TRIM69: variants seen among roughly 807,000 people sequenced by gnomAD.
TRIM69 encodes E3 ubiquitin-protein ligase TRIM69.
In TRIM69, 29 loss-of-function variants were observed where a neutral mutation model predicts 37.7. The ratio of observed to expected loss-of-function variants is 0.77; its 90% confidence interval spans 0.57 to 1.05. The LOEUF is 1.05. TRIM69 is among the 50% of genes least tolerant of loss of function. The pLI is 0.00. For synonymous variants in TRIM69, 209 were observed against 212.4 expected, an observed-to-expected ratio of 0.98 and a Z score of 0.14; for missense variants, 596 against 579.9, an observed-to-expected ratio of 1.03 and a Z score of -0.28.
In TRIM69 at chr15:44,767,433, A is replaced by G; in HGVS notation, c.1164A>G (p.Thr388=). ...WYWEVEVAKK[T]KWTVGVVRES... is the part of the protein sequence containing the mutation. ...GGGAAGTAGAAGTAGCAAAGAAGAC[A>G]AAATGGACAGTTGGAGTTGTCAGAG... The change falls in exon 7 of 7, where the codon ACA becomes ACG. Residue 388 remains threonine, a synonymous_variant. Coordinates refer to ENST00000329464, the MANE Select transcript of TRIM69 (RefSeq NM_182985.5). 6.2e-7 allele frequency: 1 copy of G among 1,614,218 alleles called. No individual in the cohort carries two copies. Among genetic ancestry groups the G allele is most frequent in the Non-Finnish European group, 8.5e-7 (1 of 1,180,036 alleles).
Position 44,738,417 on chromosome 15 carries a change from T to C in TRIM69, c.6+1707T>C, listed in dbSNP as rs1020040634. On this transcript the variant is annotated intron_variant, in intron 1 of 6. Coordinates refer to ENST00000329464, the MANE Select transcript of TRIM69 (RefSeq NM_182985.5). ...GTGATTCCTGCCAGCCAGGGCTTTA[T>C]AAGGATGAATATCAATTCCTGACTC... 1.6e-4 allele frequency among the ~76,000 whole-genome samples: 24 copies of C among 152,244 alleles called. 1 individual carries two copies. The highest frequency in any genetic ancestry group is 5.8e-4 in the African/African-American group (24 of 41,538).
chr15:44,767,585 A>G lies in TRIM69; in HGVS notation c.1316A>G (p.Asn439Ser), dbSNP rs375025513. The change falls in exon 7 of 7, where the codon AAC (asparagine) becomes AGC (serine). Residue 439 changes from asparagine to serine, a missense_variant. Coordinates refer to ENST00000329464, the MANE Select transcript of TRIM69 (RefSeq NM_182985.5). ...TCTTTCAGTCTGACACTGACTAACA[A>G]CCTCGACAAGGTGGGCATATACCTG... ...LPSFSLTLTN[N>S]LDKVGIYLDY... 20 of 1,614,138 alleles carry G rather than the reference A, an allele frequency of 1.2e-5. No homozygotes were observed. The East Asian group carries it at 1.8e-4, about 14-fold the overall frequency.
chr15:44,753,738 A>T (rs894348261), intron 1 of TRIM69: 2 of 151,968 alleles, frequency 1.3e-5, no homozygotes, highest in African/African-American at 4.8e-5. Context: ...TTTTTGAGAC[A>T]GAGTTTCACT....
At chr15:44,753,347 G>C (rs542645776) in intron 1 of TRIM69, 4 of 152,092 alleles carry the variant, frequency 2.6e-5, no homozygotes, top group African/African-American at 9.6e-5. Context: ...GTTGTTCCTG[G>C]GCTCAAATGA....
chr15:44,764,963 G>A (rs1275100381), intron 6 of TRIM69, among the ~76,000 whole-genome samples: 1 of 152,138 alleles, frequency 6.6e-6, no homozygotes, highest in Non-Finnish European at 1.5e-5. Context: ...TCCTCTATAA[G>A]GACTCTGGAT....
chr15:44,742,735 T>C (rs2087319092), intron 1 of TRIM69, among the ~76,000 whole-genome samples: 2 of 134,286 alleles, frequency 1.5e-5, no homozygotes, highest in Middle Eastern at 3.6e-3. Context: ...GAGAATAAAA[T>C]ACCTAGGAAT....
At chr15:44,738,210 C>A (rs1046828278) in intron 1 of TRIM69, among the ~76,000 whole-genome samples, 1 of 149,682 alleles carries the variant, frequency 6.7e-6, no homozygotes, top group Non-Finnish European at 1.5e-5. Context: ...AGGGACGCAC[C>A]ACCACGCCTG....
intron 6 of TRIM69, among the ~76,000 whole-genome samples, chr15:44,766,744 T>C (rs2087894774): frequency 6.6e-6 from 1 of 151,924 alleles, no homozygotes; most frequent in African/African-American, 2.4e-5. Flanking sequence ...TATAGTAACA[T>C]GGATACCCAA....
At position 44,767,633 on chromosome 15, in the gene TRIM69, CCTT is replaced by C; in HGVS notation, c.1367_1369del (p.Phe456del). The C allele has an allele frequency of 6.2e-7, 1 of 1,614,156 alleles. No individual in the cohort carries two copies. The highest frequency in any genetic ancestry group is 1.3e-5 in the African/African-American group (1 of 75,018). On this transcript the variant is annotated inframe_deletion, in exon 7 of 7. Transcript: ENST00000329464. The stretch of plus-strand genomic sequence containing the variant: ...CTGGATTATGAAGGAGGACAGTTGT[CCTT>C]CTACAATGCTAAAACCATGACTCAC...
In TRIM69 at chr15:44,743,936, C is replaced by T. The variant is rs1327550415; in HGVS notation, c.6+7226C>T. 7.9e-5 allele frequency among the ~76,000 whole-genome samples: 12 copies of T among 152,206 alleles called. 1 individual carries two copies. The highest frequency in any genetic ancestry group is 7.9e-4 in the Admixed American group (12 of 15,280). On this transcript the variant is annotated intron_variant, in intron 1 of 6. Transcript: ENST00000329464. ...ATCTAGAACTAGAAATACCATTTGA[C>T]CCAGCAATCCCATTACAGGGTATAT...
chr15:44,759,693 C>T (rs758986087), intron 5 of TRIM69, 31 bp downstream of exon 5: 7 of 1,614,092 alleles, frequency 4.3e-6, no homozygotes, highest in Middle Eastern at 3.3e-4. Context: ...CTATTAATAT[C>T]ATTCCTTGAG....
In TRIM69 at chr15:44,767,529, C is replaced by G. The variant is rs569508537; in HGVS notation, c.1260C>G (p.Asn420Lys). The change falls in exon 7 of 7, where the codon AAC becomes AAG. Residue 420 changes from asparagine to lysine, a missense_variant. Transcript: ENST00000329464. Reference sequence around the variant, plus strand: ...GATTCTGGCTTTTAAGACTAAGGAACCAAACTGATCTAAAGGCTCTGGATT... The same window carrying G: ...GATTCTGGCTTTTAAGACTAAGGAAGCAAACTGATCTAAAGGCTCTGGATT... ...EQGFWLLRLR[N>K]QTDLKALDLP... 1.9e-6 allele frequency: 3 copies of G among 1,614,190 alleles called. No individual in the cohort carries two copies. Among genetic ancestry groups the G allele is most frequent in the African/African-American group, 1.3e-5 (1 of 75,050 alleles).
At position 44,759,836 on chromosome 15, in the gene TRIM69, A is replaced by G; in HGVS notation, c.925A>G (p.Met309Val). Residue 309 changes from methionine (M) to valine (V), a missense_variant, in exon 6 of 7, where the codon ATG (methionine) becomes GTG (valine). By Grantham distance (21) the Met-to-Val change is conservative. Transcript: ENST00000329464. Reference protein sequence around the residue: ...LGQYKGPIQYMVWREMQDTLC... With the variant: ...LGQYKGPIQYVVWREMQDTLC... ...CCAGTACAAAGGTCCTATCCAGTACATGGTATGGAGGGAAATGCAGGACAC... is the reference window on the plus strand; with the variant it reads ...CCAGTACAAAGGTCCTATCCAGTACGTGGTATGGAGGGAAATGCAGGACAC... 1 of 1,614,136 alleles carries G rather than the reference A, an allele frequency of 6.2e-7. No homozygotes were observed. The highest frequency in any genetic ancestry group is 8.5e-7 in the Non-Finnish European group (1 of 1,179,976).
chr15:44,767,438 G>A lies in TRIM69; in HGVS notation c.1169G>A (p.Trp390Ter), dbSNP rs1269148005. 2 of 1,614,158 alleles carry A rather than the reference G, an allele frequency of 1.2e-6. No homozygotes were observed. Among genetic ancestry groups the A allele is most frequent in the Non-Finnish European group, 8.5e-7 (1 of 1,180,024 alleles). Residue 390 changes from tryptophan (W) to a stop codon, truncating the protein, a stop_gained, in exon 7 of 7, where the codon TGG (tryptophan) becomes TAG (stop). Transcript: ENST00000329464. LOFTEE classifies it high-confidence loss of function. ...WEVEVAKKTK[W>*]TVGVVRESII... is the part of the protein sequence containing the mutation. ...GTAGAAGTAGCAAAGAAGACAAAAT[G>A]GACAGTTGGAGTTGTCAGAGAATCC...
chr15:44,765,949 A>G (rs1177062230), intron 6 of TRIM69, among the ~76,000 whole-genome samples: 2 of 152,168 alleles, frequency 1.3e-5, no homozygotes, highest in Non-Finnish European at 2.9e-5. Context: ...ATGATCTCAC[A>G]TCTGGAATTT....
At chr15:44,738,054 C>CT (rs869285725) in intron 1 of TRIM69, among the ~76,000 whole-genome samples, 667 of 23,474 alleles carry the variant, frequency 0.028, 4 homozygotes, top group African/African-American at 0.045. Flanking sequence ...TTCTTTCTTT[C>CT]TTTTTTTTTT....
intron 6 of TRIM69, among the ~76,000 whole-genome samples, chr15:44,764,778 T>C (rs1179722088): frequency 6.6e-6 from 1 of 152,124 alleles, no homozygotes; most frequent in Non-Finnish European, 1.5e-5. Context: ...GAGTGAACCA[T>C]ATGGGGAAAA....
chr15:44,759,502 G>A (rs1472643240), intron 4 of TRIM69, 138 bp from the exon 5 acceptor site: 2 of 804,448 alleles, frequency 2.5e-6, no homozygotes, highest in Non-Finnish European at 4.1e-6. Flanking sequence ...ATTAGAAAAA[G>A]TGTATGAAGG....
chr15:44,750,704 C>G lies in TRIM69; in HGVS notation c.7-4196C>G, dbSNP rs910711583. ...CCTCCAAAGAATCGCATTTTTATTT[C>G]ATTACTTTTTCTTTTTTTTTTTTTT... On this transcript the variant is annotated intron_variant, in intron 1 of 6. Coordinates refer to ENST00000329464, the MANE Select transcript of TRIM69 (RefSeq NM_182985.5). Among the ~76,000 whole-genome samples, 43 of 126,380 alleles carry G rather than the reference C, an allele frequency of 3.4e-4. 1 individual carries two copies. Among genetic ancestry groups the G allele is most frequent in the African/African-American group, 1.3e-3 (43 of 33,434 alleles). The allele number at this position is 126,380 out of a possible 152,430, so 82.9% of individuals were successfully genotyped here. A position where few individuals can be genotyped will look rare whatever the true frequency, so the allele number is the denominator to read the frequency against.
Sources: allele counts gnomAD v4.1 joint callset (sites outside exome capture counted in the v4.1 genomes callset), GRCh38; gene constraint gnomAD v4.1.1; transcripts MANE v1.5; gene names NCBI Gene and HGNC (gene_info 2026-07-23, HGNC 2026-07-21).